Variants in GRIK2 observed in about 807,000 individuals in gnomAD.
GRIK2 encodes the protein glutamate ionotropic receptor kainate type subunit 2, also known as glutamate receptor ionotropic, kainate 2.
Under a neutral mutation model 100.3 loss-of-function variants are expected in GRIK2, and 32 were observed. The ratio of observed to expected loss-of-function variants is 0.32; its 90% CI spans 0.24 to 0.43. GRIK2 has a LOEUF of 0.43. GRIK2 is among the 20% of genes least tolerant of loss of function. GRIK2 has a pLI of 1.00. For synonymous variants in GRIK2, 417 were observed against 389.4 expected, an observed-to-expected ratio of 1.07 and a Z score of -0.83; for missense variants, 843 against 1,114.9, an observed-to-expected ratio of 0.76 and a Z score of 3.47.
chr6:101,968,283 AG>A (rs1792820208), intron 14 of GRIK2, among the ~76,000 whole-genome samples: 1 of 152,100 alleles, frequency 6.6e-6, no homozygotes, highest in Admixed American at 6.6e-5. Context: ...ATTTGCTAAT[AG>A]ATGCAAAGCT....
At chr6:101,738,173 A>G (rs1016859026) in intron 7 of GRIK2, among the ~76,000 whole-genome samples, 3 of 140,328 alleles carry the variant, frequency 2.1e-5, no homozygotes, top group African/African-American at 2.6e-5. Context: ...GTAATTGACA[A>G]TTGTCAAATG....
intron 2 of GRIK2, among the ~76,000 whole-genome samples, chr6:101,605,279 G>C (rs116377369): frequency 5.5e-4 from 84 of 152,040 alleles, no homozygotes; most frequent in African/African-American, 2.0e-3. Flanking sequence ...CTGAAAAATG[G>C]ATCAGTACTG....
At chr6:101,608,823 A>ATG (rs750756976) in intron 2 of GRIK2, among the ~76,000 whole-genome samples, 3 of 109,276 alleles carry the variant, frequency 2.7e-5, no homozygotes, top group Admixed American at 9.6e-5. Flanking sequence ...GTATGTATGT[A>ATG]TGTGTGTGTG....
intron 2 of GRIK2, among the ~76,000 whole-genome samples, chr6:101,596,711 A>T (rs142778689): frequency 4.7e-4 from 72 of 151,838 alleles, no homozygotes; most frequent in African/African-American, 1.5e-3. Flanking sequence ...TTTTAACTGC[A>T]TGGAGAAAGA....
At chr6:101,968,148 A>G (rs951178535) in intron 14 of GRIK2, among the ~76,000 whole-genome samples, 1 of 152,026 alleles carries the variant, frequency 6.6e-6, no homozygotes, top group African/African-American at 2.4e-5. Flanking sequence ...AAAAAAAACC[A>G]TGCATCTTAT....
chr6:101,983,934 T>C (rs991068206), intron 14 of GRIK2, among the ~76,000 whole-genome samples: 1 of 151,678 alleles, frequency 6.6e-6, no homozygotes, highest in Non-Finnish European at 1.5e-5. Context: ...TGGAAATATG[T>C]TTGCTTATAG....
chr6:101,771,359 A>T (rs1778391531), intron 7 of GRIK2, among the ~76,000 whole-genome samples: 1 of 151,952 alleles, frequency 6.6e-6, no homozygotes, highest in Non-Finnish European at 1.5e-5. Flanking sequence ...ATACTTTTTC[A>T]CTTGCAATTT....
chr6:101,523,720 C>CTTTTTTTTTTTTTTTTTTTTTT, intron 2 of GRIK2, among the ~76,000 whole-genome samples: 1 of 121,546 alleles, frequency 8.2e-6, no homozygotes, highest in Admixed American at 8.7e-5. Flanking sequence ...ACTCCTAAGT[C>CTTTTTTTTTTTTTTTTTTTTTT]TTTTTTTTTT....
intron 2 of GRIK2, among the ~76,000 whole-genome samples, chr6:101,508,402 AAATT>A (rs371421121): frequency 0.012 from 1,792 of 152,270 alleles, 39 homozygotes; most frequent in African/African-American, 0.041. Flanking sequence ...AATGTTAAAT[AAATT>A]AAGGACGTTC....
At chr6:101,922,141 C>CTCCTTCCCTCCCTTCCT (rs1789591802) in intron 12 of GRIK2, among the ~76,000 whole-genome samples, 5 of 56,512 alleles carry the variant, frequency 8.8e-5, no homozygotes, top group East Asian at 9.8e-4. Context: ...CCTTCCTTCC[C>CTCCTTCCCTCCCTTCCT]TCCCTTCCTC....
intron 14 of GRIK2, among the ~76,000 whole-genome samples, chr6:101,934,014 T>C (rs1057229017): frequency 6.6e-6 from 1 of 151,864 alleles, no homozygotes; most frequent in African/African-American, 2.4e-5. Context: ...CTTTCTTTTT[T>C]TTTCCTTTAA....
chr6:101,548,855 A>T lies in GRIK2; in HGVS notation c.116-73094A>T, dbSNP rs141370213. ...ACTATCCTCAGTTATAGGTATGGAT[A>T]TGTAGAAGTATATTCTCTCCTCATG... On this transcript the variant is annotated intron_variant, in intron 2 of 16. Transcript: ENST00000369134. Among the ~76,000 whole-genome samples the T allele has an allele frequency of 1.7e-4, 26 of 152,294 alleles. 1 individual carries two copies. The East Asian group carries it at 4.8e-3, about 28-fold the overall frequency.
intron 7 of GRIK2, among the ~76,000 whole-genome samples, chr6:101,793,379 G>A (rs550126819): frequency 5.3e-5 from 8 of 152,168 alleles, no homozygotes; most frequent in African/African-American, 1.9e-4. Flanking sequence ...TGTACAGATG[G>A]GTTTTGGTGT....
Position 101,676,735 on chromosome 6 carries a change from GAA to G in GRIK2, c.657_658del (p.Gly221GlnfsTer8). On this transcript the variant is annotated frameshift_variant, in exon 5 of 17. Transcript: ENST00000369134. LOFTEE classifies it high-confidence loss of function. The stretch of plus-strand genomic sequence containing the variant: ...ATGCAAAACCCTTACTAAAAGAAAT[GAA>G]AAGAGGCAAGGAGTTTCATGTAATC... ...KDAKPLLKEM[K>X]RGKEFHVIFD... The G allele has an allele frequency of 6.2e-7, 1 of 1,609,146 alleles. No homozygotes were observed. Among genetic ancestry groups the G allele is most frequent in the Non-Finnish European group, 8.5e-7 (1 of 1,177,202 alleles).
intron 12 of GRIK2, among the ~76,000 whole-genome samples, chr6:101,908,412 TTATATC>T (rs1476506293): frequency 2.6e-5 from 4 of 151,648 alleles, no homozygotes; most frequent in Non-Finnish European, 5.9e-5. Flanking sequence ...ATATGAATGT[TTATATC>T]TAAGCTAACT....
intron 9 of GRIK2, among the ~76,000 whole-genome samples, chr6:101,816,001 C>T (rs537779287): frequency 6.6e-6 from 1 of 152,176 alleles, no homozygotes; most frequent in African/African-American, 2.4e-5. Flanking sequence ...AATAATGAAA[C>T]TAGAGAAGTA....
In GRIK2 at chr6:101,509,178, T is replaced by C. The variant is rs369530526; in HGVS notation, c.115+109786T>C. 5.8e-5 allele frequency among the ~76,000 whole-genome samples: 7 copies of C among 121,598 alleles called. No homozygotes were observed. The Admixed American group carries it at 5.8e-4, about 10-fold the overall frequency. The allele number at this position is 121,598 out of a possible 152,430, so 79.8% of individuals were successfully genotyped here. On this transcript the variant is annotated intron_variant, in intron 2 of 16. Transcript: ENST00000369134. ...GTCTCAAAAAAAAAAAAAAAAAAAATGGAGCTAATAATATTGTCCAGATAG... is the reference window on the plus strand; with the variant it reads ...GTCTCAAAAAAAAAAAAAAAAAAAACGGAGCTAATAATATTGTCCAGATAG...
chr6:101,636,666 T>C (rs1781034781), intron 4 of GRIK2, among the ~76,000 whole-genome samples: 1 of 151,992 alleles, frequency 6.6e-6, no homozygotes, highest in South Asian at 2.1e-4. Flanking sequence ...CAATTCATGT[T>C]TCTGTAGATA....
intron 7 of GRIK2, among the ~76,000 whole-genome samples, chr6:101,715,549 G>GA (rs1278993214): frequency 6.6e-6 from 1 of 151,770 alleles, no homozygotes; most frequent in Non-Finnish European, 1.5e-5. Flanking sequence ...TACGTCTAGG[G>GA]ACTTAAAGAT....
Sources: allele counts gnomAD v4.1 joint callset (sites outside exome capture counted in the v4.1 genomes callset), GRCh38; gene constraint gnomAD v4.1.1; transcripts MANE v1.5; gene names NCBI Gene and HGNC (gene_info 2026-07-23, HGNC 2026-07-21).